MAGI3: variants seen among roughly 807,000 people sequenced by gnomAD.
The protein encoded by MAGI3 is membrane associated guanylate kinase, WW and PDZ domain containing 3.
Under a neutral mutation model 121.8 loss-of-function variants are expected in MAGI3, and 43 were observed. That is an observed-to-expected ratio of 0.35 (90% CI 0.28 to 0.46). The LOEUF is 0.46. Ranked by LOEUF, MAGI3 falls within the 20% of genes least tolerant of loss-of-function variation. The pLI is 1.00. For missense variants in MAGI3, 1,547 were observed against 1,797.3 expected (o/e 0.86, Z 2.52); for synonymous variants, 553 against 639.3 (o/e 0.86, Z 2.04).
At position 113,585,469 on chromosome 1, in the gene MAGI3, T is replaced by C; in HGVS notation, c.636T>C (p.Asn212=). 6.2e-7 allele frequency: 1 copy of C among 1,614,084 alleles called. No individual in the cohort carries two copies. The highest frequency in any genetic ancestry group is 8.5e-7 in the Non-Finnish European group (1 of 1,180,006). ...CAGTTGATCAAGTCCTCTTTGATAA[T>C]GAGTTTGATGCAGAATCTCAAAGAA... ...PDPVDQVLFD[N]EFDAESQRKR... is the part of the protein sequence containing the mutation. Residue 212 remains asparagine, a synonymous_variant, in exon 4 of 21, where the codon AAT becomes AAC. Coordinates refer to ENST00000307546, the MANE Select transcript of MAGI3 (RefSeq NM_001142782.2).
At chr1:113,442,954 C>A (rs1653993720) in intron 1 of MAGI3, among the ~76,000 whole-genome samples, 1 of 152,088 alleles carries the variant, frequency 6.6e-6, no homozygotes, top group African/African-American at 2.4e-5. Flanking sequence ...CTGGGCATTT[C>A]CATCTTGTAT....
intron 1 of MAGI3, among the ~76,000 whole-genome samples, chr1:113,522,043 T>G (rs886606889): frequency 4.6e-5 from 7 of 152,224 alleles, no homozygotes; most frequent in African/African-American, 7.2e-5. Context: ...GGAGCTTTAC[T>G]AACTCTTCTT....
chr1:113,651,891 A>G (rs1230673), intron 14 of MAGI3, among the ~76,000 whole-genome samples: 58,240 of 152,070 alleles, frequency 0.38, 12,922 homozygotes, highest in African/African-American at 0.6. Flanking sequence ...GATCCCAGTG[A>G]AATCTGAGCT....
At chr1:113,558,123 G>T (rs1034518712) in intron 2 of MAGI3, among the ~76,000 whole-genome samples, 12 of 152,158 alleles carry the variant, frequency 7.9e-5, no homozygotes, top group Non-Finnish European at 1.5e-4. Context: ...TGCAAAAAAA[G>T]CTGAAAACTC....
intron 16 of MAGI3, among the ~76,000 whole-genome samples, chr1:113,668,290 C>G (rs1045511316): frequency 6.6e-6 from 1 of 152,112 alleles, no homozygotes; most frequent in Non-Finnish European, 1.5e-5. Context: ...TACTTACAGA[C>G]AGAAAGCCCA....
At position 113,504,571 on chromosome 1, in the gene MAGI3, A is replaced by G. The variant is rs146776227; in HGVS notation, c.317-44944A>G. ...TAGTCAAAACACTTACTACTTTGGC[A>G]TGGGGATGTGGGAAGTGATTTGAAT... On this transcript the variant is annotated intron_variant, in intron 1 of 20. Coordinates refer to ENST00000307546, the MANE Select transcript of MAGI3 (RefSeq NM_001142782.2). 1.8e-3 allele frequency among the ~76,000 whole-genome samples: 278 copies of G among 152,284 alleles called. 2 individuals carry two copies. In the South Asian group the frequency reaches 0.021, roughly 12 times the overall value.
chr1:113,508,457 G>A (rs1657452870), intron 1 of MAGI3, among the ~76,000 whole-genome samples: 2 of 152,198 alleles, frequency 1.3e-5, no homozygotes, highest in South Asian at 4.1e-4. Context: ...GTCTGTTGAA[G>A]TGGTAAATAA....
chr1:113,673,827 T>G (rs1080307), intron 19 of MAGI3, among the ~76,000 whole-genome samples: 33,019 of 152,152 alleles, frequency 0.22, 4,484 homozygotes, highest in South Asian at 0.39. Context: ...AAATAGAATC[T>G]TTAACTTTTT....
intron 1 of MAGI3, among the ~76,000 whole-genome samples, chr1:113,535,641 A>G (rs1392450893): frequency 6.6e-6 from 1 of 152,188 alleles, no homozygotes; most frequent in Non-Finnish European, 1.5e-5. Context: ...GTTAATAGAT[A>G]TTGCCATAAT....
At chr1:113,530,666 A>T (rs1466274397) in intron 1 of MAGI3, among the ~76,000 whole-genome samples, 1 of 152,176 alleles carries the variant, frequency 6.6e-6, no homozygotes, top group Non-Finnish European at 1.5e-5. Flanking sequence ...TATGCCTGTA[A>T]TCCCAGCACT....
Position 113,646,521 on chromosome 1 carries a change from G to A in MAGI3, c.2034G>A (p.Glu678=), listed in dbSNP as rs150460207. 27 of 1,609,648 alleles carry A rather than the reference G, an allele frequency of 1.7e-5. No individual in the cohort carries two copies. The highest frequency in any genetic ancestry group is 5.3e-5 in the African/African-American group (4 of 74,794). The change falls in exon 12 of 21, where the codon GAG becomes GAA. Residue 678 remains glutamate (E), a synonymous_variant. Transcript: ENST00000307546. ...AAAAGGAAAATGCAGGAAGTTTGGA[G>A]GCCATAAATGAGCCTATTCCTCAGC... ...TDKKENAGSL[E]AINEPIPQPM...
chr1:113,659,309 G>A, intron 16 of MAGI3, 44 bp downstream of exon 16: 1 of 1,592,242 alleles, frequency 6.3e-7, no homozygotes, highest in South Asian at 1.1e-5. Flanking sequence ...GATCTGAGAG[G>A]CACAAAGCCT....
intron 1 of MAGI3, among the ~76,000 whole-genome samples, chr1:113,485,957 A>G (rs1358025609): frequency 6.6e-6 from 1 of 152,162 alleles, no homozygotes; most frequent in African/African-American, 2.4e-5. Context: ...TTGCTTTGTC[A>G]AAGATCAGTT....
chr1:113,549,532 G>C lies in MAGI3; in HGVS notation c.334G>C (p.Asp112His), dbSNP rs769117101. Residue 112 changes from aspartate (D) to histidine (H), a missense_variant, in exon 2 of 21, where the codon GAT (aspartate) becomes CAT (histidine). By Grantham distance (81) the Asp-to-His change is moderately conservative. Transcript: ENST00000307546. ...TVKPGKVINK[D>H]LRHYLSLQFQ... ...TGCTCCAGGCAAAGTCATTAATAAA[G>C]ATTTGCGGCATTACCTAAGTCTTCA... The C allele has an allele frequency of 6.4e-7, 1 of 1,564,864 alleles. No homozygotes were observed. The highest frequency in any genetic ancestry group is 8.7e-7 in the Non-Finnish European group (1 of 1,146,428).
At chr1:113,624,482 T>A (rs997488363) in intron 9 of MAGI3, among the ~76,000 whole-genome samples, 2 of 152,240 alleles carry the variant, frequency 1.3e-5, no homozygotes, top group Admixed American at 6.5e-5. Flanking sequence ...TTATTCATAT[T>A]GCTGTTTCTA....
intron 2 of MAGI3, among the ~76,000 whole-genome samples, chr1:113,555,702 C>T (rs1659960978): frequency 1.3e-5 from 2 of 151,394 alleles, no homozygotes; most frequent in African/African-American, 2.4e-5. Context: ...AGTTTGAGAC[C>T]AGCCTGGGCA....
At chr1:113,665,245 C>CT (rs1653983955) in intron 16 of MAGI3, among the ~76,000 whole-genome samples, 1 of 152,058 alleles carries the variant, frequency 6.6e-6, no homozygotes, top group Non-Finnish European at 1.5e-5. Flanking sequence ...TTAGACAGCA[C>CT]TTCTTTGCCT....
intron 20 of MAGI3, chr1:113,682,277 T>G: frequency 6.2e-7 from 1 of 1,607,226 alleles, no homozygotes. Context: ...TCAGGGCTTT[T>G]CTTGGTCTTT....
chr1:113,449,365 G>GTA (rs1654360560), intron 1 of MAGI3, among the ~76,000 whole-genome samples: 4 of 144,286 alleles, frequency 2.8e-5, no homozygotes, highest in Admixed American at 2.0e-4. Flanking sequence ...TTTATGGTGT[G>GTA]TGTGTGTGTG....
Sources: gnomAD v4.1 joint callset for allele counts (sites outside exome capture counted in the v4.1 genomes callset) on GRCh38, gnomAD v4.1.1 for gene constraint, MANE v1.5 for transcripts, NCBI Gene and HGNC (gene_info 2026-07-23, HGNC 2026-07-21) for gene names.